The following PEAR1 variants were observed in gnomAD, a reference collection of about 807,000 sequenced individuals.
The protein encoded by PEAR1 is platelet endothelial aggregation receptor 1.
PEAR1 carries 113 observed loss-of-function variants against 131.2 expected under a neutral mutation model. The observed-to-expected ratio is 0.86, with a 90% CI of 0.74 to 1.01. The LOEUF is 1.01. Ranked by LOEUF, PEAR1 falls within the 50% of genes least tolerant of loss-of-function variation. PEAR1 has a pLI of 0.00. For synonymous variants in PEAR1, 565 were observed against 523.3 expected, an observed-to-expected ratio of 1.08 and a Z score of -1.09; for missense variants, 1,408 against 1,391.1, an observed-to-expected ratio of 1.01 and a Z score of -0.19.
In PEAR1 at chr1:156,898,935, A is replaced by G. The variant is rs1649418326; in HGVS notation, c.-9-4983A>G. On this transcript the variant is annotated intron_variant, in intron 1 of 22. Coordinates refer to ENST00000292357, the MANE Select transcript of PEAR1 (RefSeq NM_001080471.3). Reference sequence around the variant, plus strand: ...AGGAAGGGGATGGGGAAAGGCAGATAGCAGAGTTTCTGATGAAGAACAAGA... The same window carrying G: ...AGGAAGGGGATGGGGAAAGGCAGATGGCAGAGTTTCTGATGAAGAACAAGA... 2.0e-5 allele frequency among the ~76,000 whole-genome samples: 3 copies of G among 152,246 alleles called. No homozygotes were observed. The South Asian group carries it at 6.2e-4, about 31-fold the overall frequency.
Position 156,908,889 on chromosome 1 carries a change from C to A in PEAR1, c.1291-27C>A. 1.2e-6 allele frequency: 2 copies of A among 1,610,726 alleles called. No individual in the cohort carries two copies. The highest frequency in any genetic ancestry group is 1.7e-6 in the Non-Finnish European group (2 of 1,179,610). ...GTGGAGAGGCCAAGGAATGGGCCGC[C>A]CCTCTCACCCGCTCACCCTCTTTCA... On this transcript the variant is annotated intron_variant, in intron 10 of 22. Coordinates refer to ENST00000292357, the MANE Select transcript of PEAR1 (RefSeq NM_001080471.3). The surrounding 1 kb of genome is among the most constrained non-coding windows in gnomAD (Gnocchi z 4.2).
chr1:156,911,069 C>CTTTCT (rs1553269230), intron 15 of PEAR1, among the ~76,000 whole-genome samples: 6 of 115,572 alleles, frequency 5.2e-5, no homozygotes, highest in South Asian at 3.3e-4. Context: ...TTCTTTCTTT[C>CTTTCT]TTTCTTTCTT....
chr1:156,905,410 G>C lies in PEAR1; in HGVS notation c.293G>C (p.Arg98Thr). 6.2e-7 allele frequency: 1 copy of C among 1,605,478 alleles called. No individual in the cohort carries two copies. Among genetic ancestry groups the C allele is most frequent in the Non-Finnish European group, 8.5e-7 (1 of 1,175,950 alleles). The stretch of plus-strand genomic sequence containing the variant: ...TGCTGCCATGGCTTCTATGAGAGCA[G>C]GGGGTTCTGTGTCCGTGAGTCCAGG... ...LQCCHGFYES[R>T]GFCVPLCAQE... Residue 98 changes from arginine (R) to threonine (T), a missense_variant, in exon 4 of 23, where the codon AGG becomes ACG. Physicochemically the swap from Arg to Thr is moderately conservative, Grantham distance 71. Coordinates refer to ENST00000292357, the MANE Select transcript of PEAR1 (RefSeq NM_001080471.3).
rs1650056023 is a variant in PEAR1, at chr1:156,904,834, A to G, written c.188A>G (p.His63Arg). 2 of 1,613,670 alleles carry G rather than the reference A, an allele frequency of 1.2e-6. No homozygotes were observed. Among genetic ancestry groups the G allele is most frequent in the Non-Finnish European group, 1.7e-6 (2 of 1,179,796 alleles). Reference sequence around the variant, plus strand: ...TGCGAGCGGCCCTGGGAGGGCCCCCATACTTGCCCCCAGCCCACGTGAGTG... The same window carrying G: ...TGCGAGCGGCCCTGGGAGGGCCCCCGTACTTGCCCCCAGCCCACGTGAGTG... ...EPCERPWEGP[H>R]TCPQPTVVYR... is the part of the protein sequence containing the mutation. Residue 63 changes from histidine (H) to arginine (R), a missense_variant, in exon 3 of 23, where the codon CAT becomes CGT. By Grantham distance (29) the His-to-Arg change is conservative. Coordinates refer to ENST00000292357, the MANE Select transcript of PEAR1 (RefSeq NM_001080471.3).
intron 1 of PEAR1, among the ~76,000 whole-genome samples, chr1:156,895,514 G>A (rs556225025): frequency 6.6e-6 from 1 of 152,312 alleles, no homozygotes; most frequent in South Asian, 2.1e-4. Context: ...AACCTACAGG[G>A]GAGAAGCCAG....
Position 156,909,933 on chromosome 1 carries a change from G to A in PEAR1, c.1575+19G>A, listed in dbSNP as rs1287210670. The A allele has an allele frequency of 2.5e-6, 4 of 1,611,466 alleles. No individual in the cohort carries two copies. The highest frequency in any genetic ancestry group is 3.4e-6 in the Non-Finnish European group (4 of 1,178,850). On this transcript the variant is annotated intron_variant, in intron 12 of 22. Coordinates refer to ENST00000292357, the MANE Select transcript of PEAR1 (RefSeq NM_001080471.3). ...CTGTCCGGTGAGTGCTGGACAGCCT[G>A]TCTGCCTGGGGGTGGGGAGGGCATG...
chr1:156,905,134 C>T (rs866779993), intron 3 of PEAR1, 190 bp from the exon 4 acceptor site: 9 of 1,172,300 alleles, frequency 7.7e-6, no homozygotes, highest in Middle Eastern at 2.4e-4. Flanking sequence ...GACAAGGTCT[C>T]GCTCTGTCAC....
chr1:156,909,007 C>A lies in PEAR1; in HGVS notation c.1382C>A (p.Pro461His), dbSNP rs764158087. 6.8e-6 allele frequency: 11 copies of A among 1,614,094 alleles called. No homozygotes were observed. The highest frequency in any genetic ancestry group is 9.3e-6 in the Non-Finnish European group (11 of 1,180,024). ...TGTGAAAATGCCATCGCCTGCTCAC[C>A]CATCGACGGCGAGTGCGTCTGCAAG... The part of the protein sequence containing the change: ...CSCENAIACS[P>H]IDGECVCKEG... The change falls in exon 11 of 23, where the codon CCC becomes CAC. Residue 461 changes from proline (P) to histidine (H), a missense_variant. Physicochemically the swap from Pro to His is moderately conservative, Grantham distance 77. Transcript: ENST00000292357.
rs770472326 is a variant in PEAR1 at position 156,912,210 on chromosome 1, T to C, written c.1952-37T>C. 5.7e-6 allele frequency: 9 copies of C among 1,580,838 alleles called. No homozygotes were observed. In the South Asian group the frequency reaches 9.4e-5, roughly 17 times the overall value. ...CTGAGAGTTCATCCAGGAAAAGCTG[T>C]ACCTGCCCCACCAGACAGGCCCCAT... On this transcript the variant is annotated intron_variant, in intron 15 of 22. Transcript: ENST00000292357.
chr1:156,904,641 T>C, intron 2 of PEAR1, 107 bp from the exon 3 acceptor site: 2 of 1,132,598 alleles, frequency 1.8e-6, no homozygotes, highest in African/African-American at 1.6e-5. Context: ...GCCCCAGCGT[T>C]GGGCTGTGGA....
intron 3 of PEAR1, 196 bp downstream of exon 3, chr1:156,905,048 T>A: frequency 6.9e-7 from 1 of 1,453,938 alleles, no homozygotes; most frequent in Non-Finnish European, 9.4e-7. Context: ...GTGTTTAGGG[T>A]ACGCATGCAT....
At chr1:156,910,593 A>G (rs187492924) in intron 14 of PEAR1, 25 bp from the exon 15 acceptor site, 44 of 1,612,204 alleles carry the variant, frequency 2.7e-5, no homozygotes, top group Admixed American at 2.7e-4. Flanking sequence ...TCTGCCCCCA[A>G]TCACCATGTA....
chr1:156,909,472 G>C (rs1319239212), intron 11 of PEAR1, among the ~76,000 whole-genome samples: 1 of 152,188 alleles, frequency 6.6e-6, no homozygotes, highest in African/African-American at 2.4e-5. Context: ...AAGTCATTTA[G>C]TTACCTGATG....
chr1:156,904,060 C>G, intron 2 of PEAR1, 33 bp downstream of exon 2: 1 of 1,543,684 alleles, frequency 6.5e-7, no homozygotes, highest in South Asian at 1.1e-5. Context: ...TTGAGGGCAC[C>G]AAGCCCTAGC....
rs1650646900 is a variant in PEAR1, at chr1:156,908,603, G to C, written c.1116-52G>C. On this transcript the variant is annotated intron_variant, in intron 9 of 22. Transcript: ENST00000292357. This position sits in a 1 kb window ranked among gnomAD's most constrained non-coding sequence, Gnocchi z 4.2. ...GACCACGCGGAGGGGTCGGGAAGCT[G>C]CCCTGCCCCTGCCCAGCTCAGACCG... 6.9e-7 allele frequency: 1 copy of C among 1,457,488 alleles called. No homozygotes were observed. Among genetic ancestry groups the C allele is most frequent in the African/African-American group, 1.4e-5 (1 of 71,216 alleles). 90.3% of individuals were successfully genotyped at this position (1,457,488 alleles called of 1,614,324 possible).
Position 156,913,763 on chromosome 1 carries a change from A to G in PEAR1, c.2713+3A>G, listed in dbSNP as rs1428751301. ...CCCAGGCCCATTCTACAATAAAGGT[A>G]TGGGCACAGGGGCAACAAGGGAGGT... On this transcript the variant is annotated splice_donor_region_variant and intron_variant, in intron 21 of 22. Coordinates refer to ENST00000292357, the MANE Select transcript of PEAR1 (RefSeq NM_001080471.3). 2 of 1,613,860 alleles carry G rather than the reference A, an allele frequency of 1.2e-6. No homozygotes were observed. Among genetic ancestry groups the G allele is most frequent in the East Asian group, 2.2e-5 (1 of 44,878 alleles).
chr1:156,911,071 T>C (rs1284419307), intron 15 of PEAR1, among the ~76,000 whole-genome samples: 4 of 114,110 alleles, frequency 3.5e-5, no homozygotes, highest in Admixed American at 3.4e-4. Flanking sequence ...CTTTCTTTCT[T>C]TCTTTCTTTC....
At position 156,914,757 on chromosome 1, in the gene PEAR1, C is replaced by G. The variant is rs777107997; in HGVS notation, c.3073C>G (p.Arg1025Gly). 6.2e-7 allele frequency: 1 copy of G among 1,614,034 alleles called. No homozygotes were observed. The highest frequency in any genetic ancestry group is 2.2e-5 in the East Asian group (1 of 44,870). ...IPGHYDLPPV[R>G]HPPSPPLRRQ... The stretch of plus-strand genomic sequence containing the variant: ...TGGACATTATGACTTGCCTCCAGTA[C>G]GGCATCCCCCATCACCTCCACTTCG... Residue 1025 changes from arginine to glycine, a missense_variant, in exon 23 of 23, where the codon CGG becomes GGG. Physicochemically the swap from Arg to Gly is moderately radical, Grantham distance 125 (BLOSUM62 -2). Transcript: ENST00000292357.
At chr1:156,905,745 A>G (rs1452990840) in intron 4 of PEAR1, among the ~76,000 whole-genome samples, 1 of 151,674 alleles carries the variant, frequency 6.6e-6, no homozygotes, top group Non-Finnish European at 1.5e-5. Flanking sequence ...TCTCTCTGTC[A>G]CTGTGTGTCT....
Sources: allele counts gnomAD v4.1 joint callset (sites outside exome capture counted in the v4.1 genomes callset), GRCh38; gene constraint gnomAD v4.1.1; non-coding constraint Gnocchi (gnomAD v3.1); transcripts MANE v1.5; gene names NCBI Gene and HGNC (gene_info 2026-07-23, HGNC 2026-07-21).